The following PADI4 variants were observed in gnomAD, a reference collection of about 807,000 sequenced individuals.
The protein encoded by PADI4 is protein-arginine deiminase type-4.
Under a neutral mutation model 75.0 loss-of-function variants are expected in PADI4, and 62 were observed. The ratio of observed to expected loss-of-function variants is 0.83; its 90% confidence interval spans 0.67 to 1.02. PADI4 has a LOEUF of 1.02. Among genes scored for constraint, PADI4 ranks in the 50% least tolerant of loss-of-function variants. PADI4 has a pLI of 0.00. For synonymous variants in PADI4, 361 were observed against 348.1 expected, an observed-to-expected ratio of 1.04 and a Z score of -0.41; for missense variants, 845 against 850.5, an observed-to-expected ratio of 0.99 and a Z score of 0.08.
chr1:17,338,831 C>A (rs952400330), intron 5 of PADI4, among the ~76,000 whole-genome samples: 2 of 152,164 alleles, frequency 1.3e-5, no homozygotes, highest in Non-Finnish European at 2.9e-5. Flanking sequence ...TGCTAAGGGG[C>A]TCTGGCTGGC....
At chr1:17,334,293 A>C in intron 3 of PADI4, 1 of 440,986 alleles carries the variant, frequency 2.3e-6, no homozygotes, top group Admixed American at 3.5e-5. Flanking sequence ...TTTTCAATAT[A>C]TGCATCTCCA....
At position 17,323,932 on chromosome 1, in the gene PADI4, GC is replaced by G. The variant is rs148189732; in HGVS notation, c.93-7035del. On this transcript the variant is annotated intron_variant, in intron 1 of 15. Transcript: ENST00000375448. ...TGTGACCTTATGTGGACGGAGTTCTGCCTCTCTAGGGATTGTCCACTGTGAA... is the reference window on the plus strand; with the variant it reads ...TGTGACCTTATGTGGACGGAGTTCTGCTCTCTAGGGATTGTCCACTGTGAA... Among the ~76,000 whole-genome samples, 883 of 152,110 alleles carry G rather than the reference GC, an allele frequency of 5.8e-3. 10 individuals are homozygous for G. Among genetic ancestry groups the G allele is most frequent in the African/African-American group, 0.02 (845 of 41,514 alleles).
intron 1 of PADI4, among the ~76,000 whole-genome samples, chr1:17,308,916 G>A (rs1886301): frequency 0.39 from 58,539 of 151,916 alleles, 12,027 homozygotes; most frequent in East Asian, 0.64. Flanking sequence ...AATTCAATGT[G>A]AAAAAATGTG....
chr1:17,360,649 C>T (rs1416163630), intron 15 of PADI4, among the ~76,000 whole-genome samples: 2 of 152,196 alleles, frequency 1.3e-5, no homozygotes, highest in Admixed American at 1.3e-4. Flanking sequence ...GCCGTAACTA[C>T]CATGCTGCCT....
intron 5 of PADI4, among the ~76,000 whole-genome samples, chr1:17,338,565 T>G (rs1318779508): frequency 6.6e-6 from 1 of 152,224 alleles, no homozygotes; most frequent in African/African-American, 2.4e-5. Flanking sequence ...AATGATTAAC[T>G]CATCTGATCT....
intron 15 of PADI4, 61 bp downstream of exon 15, chr1:17,359,469 G>A: frequency 1.9e-6 from 3 of 1,607,954 alleles, no homozygotes; most frequent in Non-Finnish European, 2.6e-6. Flanking sequence ...AGCCCGAGAG[G>A]CCAGTGGGGC....
At chr1:17,322,179 G>C (rs546583738) in intron 1 of PADI4, among the ~76,000 whole-genome samples, 1 of 152,248 alleles carries the variant, frequency 6.6e-6, no homozygotes, top group South Asian at 2.1e-4. Context: ...TCTGTCCTTT[G>C]CCCTGTACCT....
intron 10 of PADI4, among the ~76,000 whole-genome samples, chr1:17,353,219 T>C (rs2074697554): frequency 6.6e-6 from 1 of 151,904 alleles, no homozygotes; most frequent in African/African-American, 2.4e-5. Flanking sequence ...ATCCCAACAC[T>C]CTAGGAGCCG....
At chr1:17,321,211 A>G (rs1002317829) in intron 1 of PADI4, among the ~76,000 whole-genome samples, 2 of 151,988 alleles carry the variant, frequency 1.3e-5, no homozygotes, top group Non-Finnish European at 2.9e-5. Flanking sequence ...GGGAAGGGAG[A>G]GCCCTCCAGA....
rs908275888 is a variant in PADI4 at position 17,333,837 on chromosome 1, A to C, written c.274-106A>C. ...TACAGGCTAGGACCAGTTCTTGCCC[A>C]ACTTTGTCTCCCCAGTGCCCTACCC... On this transcript the variant is annotated intron_variant, in intron 2 of 15. Coordinates refer to ENST00000375448, the MANE Select transcript of PADI4 (RefSeq NM_012387.3). The C allele has an allele frequency of 7.4e-6, 6 of 811,834 alleles. No individual in the cohort carries two copies. The African/African-American group carries it at 1.0e-4, about 14-fold the overall frequency. 50.3% of individuals were successfully genotyped at this position (811,834 alleles called of 1,614,324 possible). A position where few individuals can be genotyped will look rare whatever the true frequency, so the allele number is the denominator to read the frequency against.
intron 15 of PADI4, among the ~76,000 whole-genome samples, chr1:17,359,884 T>C (rs1251501689): frequency 1.3e-5 from 2 of 152,238 alleles, no homozygotes; most frequent in Non-Finnish European, 2.9e-5. Context: ...GGTCCTGGGC[T>C]GATCTAAATG....
chr1:17,346,207 C>A lies in PADI4; in HGVS notation c.1047+68C>A, dbSNP rs2074513542. 4.0e-6 allele frequency: 4 copies of A among 1,010,642 alleles called. No homozygotes were observed. The highest frequency in any genetic ancestry group is 2.7e-5 in the South Asian group (2 of 74,680). 62.6% of individuals were successfully genotyped at this position (1,010,642 alleles called of 1,614,324 possible). A position where few individuals can be genotyped will look rare whatever the true frequency, so the allele number is the denominator to read the frequency against. The stretch of plus-strand genomic sequence containing the variant: ...CCAAGAGACACTTGGGGGACCCGGG[C>A]TCCTGGGGTTCAGCCTGGTGCCTCA... On this transcript the variant is annotated intron_variant, in intron 9 of 15. Transcript: ENST00000375448. This position sits in a 1 kb window ranked among gnomAD's most constrained non-coding sequence, Gnocchi z 4.3.
chr1:17,337,125 T>TTTTA (rs796676927), intron 4 of PADI4, among the ~76,000 whole-genome samples: 1 of 151,434 alleles, frequency 6.6e-6, no homozygotes, highest in Admixed American at 6.6e-5. Context: ...AAGCTCAACA[T>TTTTA]TTTATTTATT....
At position 17,342,095 on chromosome 1, in the gene PADI4, A is replaced by C. The variant is rs369176802; in HGVS notation, c.805A>C (p.Ile269Leu). ...CTTCCCGGGGCTCATTACCCTCACC[A>C]TCTCCCTGCTGGACACGTCCAACCT... is the stretch of plus-strand genomic sequence containing the variant. ...TDFPGLITLT[I>L]SLLDTSNLEL... The change falls in exon 7 of 16, where the codon ATC becomes CTC. Residue 269 changes from isoleucine to leucine, a missense_variant. Physicochemically the swap from Ile to Leu is conservative, Grantham distance 5. Transcript: ENST00000375448. 6.2e-7 allele frequency: 1 copy of C among 1,613,850 alleles called. No homozygotes were observed. The highest frequency in any genetic ancestry group is 1.1e-5 in the South Asian group (1 of 91,060).
intron 1 of PADI4, among the ~76,000 whole-genome samples, chr1:17,326,962 G>A (rs2074126839): frequency 6.6e-6 from 1 of 150,760 alleles, no homozygotes; most frequent in East Asian, 1.9e-4. Context: ...CCAGGCTGGG[G>A]TACAGTGGTG....
chr1:17,317,521 G>A (rs574003989), intron 1 of PADI4, among the ~76,000 whole-genome samples: 2 of 144,276 alleles, frequency 1.4e-5, no homozygotes, highest in South Asian at 2.3e-4. Context: ...CGCCCGTCTC[G>A]GCCTCCCAAA....
chr1:17,328,305 T>C (rs1195864391), intron 1 of PADI4, among the ~76,000 whole-genome samples: 1 of 151,780 alleles, frequency 6.6e-6, no homozygotes, highest in African/African-American at 2.4e-5. Flanking sequence ...ATTATAGGCA[T>C]GAGCCACCGT....
In PADI4 at chr1:17,359,319, C is replaced by T; in HGVS notation, c.1669C>T (p.Leu557=). The change falls in exon 15 of 16, where the codon CTG becomes TTG. Residue 557 remains leucine (L), a synonymous_variant. Transcript: ENST00000375448. ...DWNRELLKRE[L]GLAESDIIDI... is the part of the protein sequence containing the mutation. Reference sequence around the variant, plus strand: ...GAACCGCGAGCTGCTGAAGCGGGAGCTGGGCCTGGCCGAGAGTGACATCAT... The same window carrying T: ...GAACCGCGAGCTGCTGAAGCGGGAGTTGGGCCTGGCCGAGAGTGACATCAT... 1 of 1,609,126 alleles carries T rather than the reference C, an allele frequency of 6.2e-7. No homozygotes were observed. Among genetic ancestry groups the T allele is most frequent in the South Asian group, 1.1e-5 (1 of 90,990 alleles).
chr1:17,361,071 G>A (rs1469129613), intron 15 of PADI4, among the ~76,000 whole-genome samples: 1 of 151,008 alleles, frequency 6.6e-6, no homozygotes, highest in Non-Finnish European at 1.5e-5. Flanking sequence ...TGGAGCTGGG[G>A]GTTACAGTTC....
Sources: allele counts gnomAD v4.1 joint callset (sites outside exome capture counted in the v4.1 genomes callset), GRCh38; gene constraint gnomAD v4.1.1; non-coding constraint Gnocchi (gnomAD v3.1); transcripts MANE v1.5; gene names NCBI Gene and HGNC (gene_info 2026-07-23, HGNC 2026-07-21).